The following CAST variants were observed in gnomAD, a reference collection of about 807,000 sequenced individuals.
CAST encodes the protein MIR583 host.
A neutral mutation model predicts 119.6 loss-of-function variants in CAST; 76 were observed. The observed-to-expected ratio is 0.64, with a 90% CI of 0.53 to 0.77. The LOEUF is 0.77. Ranked by LOEUF, CAST falls within the 30% of genes least tolerant of loss-of-function variation. The pLI is 0.00. For synonymous variants in CAST, 319 were observed against 331.6 expected, an observed-to-expected ratio of 0.96 and a Z score of 0.41; for missense variants, 953 against 946.5, an observed-to-expected ratio of 1.01 and a Z score of -0.09.
the CAST span, among the ~76,000 whole-genome samples, chr5:96,412,752 G>GTTTTT: frequency 0.036 from 2,583 of 71,654 alleles, 110 homozygotes; most frequent in Middle Eastern, 0.043. Flanking sequence ...CAGCTGTGAT[G>GTTTTT]TTTTTTTTTT....
At chr5:96,733,119 T>C (rs1321867718) in intron 9 of CAST, among the ~76,000 whole-genome samples, 1 of 152,206 alleles carries the variant, frequency 6.6e-6, no homozygotes, top group East Asian at 1.9e-4. Context: ...ACAGGTCTCC[T>C]ATGGAGCAAA....
the CAST span, among the ~76,000 whole-genome samples, chr5:96,353,904 C>A: frequency 1.3e-5 from 2 of 152,198 alleles, no homozygotes; most frequent in African/African-American, 4.8e-5. Context: ...TCATCTGTAT[C>A]TATATCTCCT....
At chr5:96,764,805 T>C (rs1769268195) in intron 25 of CAST, among the ~76,000 whole-genome samples, 1 of 152,206 alleles carries the variant, frequency 6.6e-6, no homozygotes, top group South Asian at 2.1e-4. Flanking sequence ...AGTAGATGTT[T>C]GTTTTCATAT....
the CAST span, among the ~76,000 whole-genome samples, chr5:96,018,275 G>A: frequency 1.3e-5 from 2 of 152,062 alleles, no homozygotes; most frequent in East Asian, 1.9e-4. Flanking sequence ...AACCAGTAGG[G>A]CCCAATACAA....
intron 3 of CAST, among the ~76,000 whole-genome samples, chr5:96,708,893 C>T (rs1051842687): frequency 9.2e-5 from 14 of 152,194 alleles, no homozygotes; most frequent in African/African-American, 3.4e-4. Flanking sequence ...GTAACAATGA[C>T]TCTCCCGCAT....
chr5:96,637,176 T>C (rs1747898474), intron 1 of CAST, among the ~76,000 whole-genome samples: 1 of 152,256 alleles, frequency 6.6e-6, no homozygotes, highest in Admixed American at 6.5e-5. Flanking sequence ...AATGTAATTT[T>C]ATTACTATAT....
the CAST span, among the ~76,000 whole-genome samples, chr5:96,420,693 G>A: frequency 7.2e-6 from 1 of 139,358 alleles, no homozygotes; most frequent in African/African-American, 2.6e-5. Flanking sequence ...CTTTAGATCA[G>A]TATTACTGCA....
the CAST span, among the ~76,000 whole-genome samples, chr5:96,275,985 T>C: frequency 5.3e-5 from 8 of 152,244 alleles, no homozygotes; most frequent in Admixed American, 2.0e-4. Flanking sequence ...TTATTTAAAA[T>C]ACAAATTTTA....
the CAST span, among the ~76,000 whole-genome samples, chr5:96,517,893 CTG>C: frequency 6.6e-6 from 1 of 152,220 alleles, no homozygotes; most frequent in South Asian, 2.1e-4. Context: ...ATTACAGAGA[CTG>C]TGTTAAGCCC....
chr5:96,617,667 C>T (rs1193490631), intron 1 of CAST, among the ~76,000 whole-genome samples: 1 of 151,336 alleles, frequency 6.6e-6, no homozygotes, highest in African/African-American at 2.4e-5. Context: ...TGGTGGGTGC[C>T]AGTAGTCCCA....
the CAST span, among the ~76,000 whole-genome samples, chr5:96,226,658 A>G: frequency 1.3e-5 from 2 of 152,122 alleles, no homozygotes; most frequent in Non-Finnish European, 2.9e-5. Flanking sequence ...CCCTGCCTCA[A>G]AAAAAGATTT....
At chr5:96,517,376 T>C in the CAST span, among the ~76,000 whole-genome samples, 2 of 152,210 alleles carry the variant, frequency 1.3e-5, no homozygotes, top group Non-Finnish European at 2.9e-5. Context: ...TGGCTTAGGC[T>C]GATAAATCAA....
the CAST span, among the ~76,000 whole-genome samples, chr5:96,104,104 GTT>G: frequency 6.6e-6 from 1 of 152,020 alleles, no homozygotes; most frequent in Non-Finnish European, 1.5e-5. Flanking sequence ...TTGTAAATTT[GTT>G]TGAGTTCATT....
the CAST span, among the ~76,000 whole-genome samples, chr5:96,508,398 A>G: frequency 3.3e-5 from 5 of 152,158 alleles, no homozygotes; most frequent in Non-Finnish European, 7.3e-5. Context: ...CTAGTACTTC[A>G]TATGTGTTTA....
intron 1 of CAST, among the ~76,000 whole-genome samples, chr5:96,583,847 C>A (rs187176515): frequency 6.6e-5 from 10 of 152,216 alleles, no homozygotes; most frequent in African/African-American, 2.2e-4. Context: ...TAGTGAGAAC[C>A]AAGGTATTGA....
At position 96,767,597 on chromosome 5, in the gene CAST, G is replaced by A. The variant is rs1034129420; in HGVS notation, c.2175+115G>A. The A allele has an allele frequency of 8.1e-6, 6 of 741,454 alleles. No homozygotes were observed. The South Asian group carries it at 1.0e-4, about 12-fold the overall frequency. 45.9% of individuals were successfully genotyped at this position (741,454 alleles called of 1,614,324 possible). A position where few individuals can be genotyped will look rare whatever the true frequency, so the allele number is the denominator to read the frequency against. ...ATGCCTACTCTGTGCCTGGTACTTTGTCAAAGCATGCATATAAATGTGTGT... is the reference window on the plus strand; with the variant it reads ...ATGCCTACTCTGTGCCTGGTACTTTATCAAAGCATGCATATAAATGTGTGT... On this transcript the variant is annotated intron_variant, in intron 28 of 31. Coordinates refer to ENST00000675179, the MANE Select transcript of CAST (RefSeq NM_001750.7).
In CAST at chr5:96,747,346, A is replaced by T; in HGVS notation, c.1286A>T (p.Asp429Val). The T allele has an allele frequency of 6.3e-7, 1 of 1,593,484 alleles. No homozygotes were observed. Among genetic ancestry groups the T allele is most frequent in the Non-Finnish European group, 8.6e-7 (1 of 1,162,750 alleles). The change falls in exon 18 of 32, where the codon GAT (aspartate) becomes GTT (valine). Residue 429 changes from aspartate (D) to valine (V), a missense_variant and splice_region_variant. By Grantham distance (152) the Asp-to-Val change is radical. Coordinates refer to ENST00000675179, the MANE Select transcript of CAST (RefSeq NM_001750.7). ...AATGAATTTTAATTTCATTTACAGGATAAAGATGGAAAACCACTATTGCCA... is the reference window on the plus strand; with the variant it reads ...AATGAATTTTAATTTCATTTACAGGTTAAAGATGGAAAACCACTATTGCCA... ...PSEYRLKPAT[D>V]KDGKPLLPEP... is the part of the protein sequence containing the mutation.
At chr5:96,285,759 A>C in the CAST span, among the ~76,000 whole-genome samples, 2 of 152,308 alleles carry the variant, frequency 1.3e-5, no homozygotes, top group Non-Finnish European at 2.9e-5. Flanking sequence ...TGGATTACTC[A>C]GTGCTTTGTT....
intron 29 of CAST, chr5:96,768,844 C>T (rs1426882299): frequency 6.3e-6 from 1 of 158,580 alleles, no homozygotes; most frequent in Non-Finnish European, 1.4e-5. Flanking sequence ...CTTCCCAGTC[C>T]AAAGTTAGAG....
Sources: gnomAD v4.1 joint callset for allele counts (sites outside exome capture counted in the v4.1 genomes callset) on GRCh38, gnomAD v4.1.1 for gene constraint, MANE v1.5 for transcripts, NCBI Gene and HGNC (gene_info 2026-07-23, HGNC 2026-07-21) for gene names.